The following AOPEP variants were observed in gnomAD, a reference collection of about 807,000 sequenced individuals.
AOPEP encodes the protein aminopeptidase O (putative), also known as aminopeptidase O.
Under a neutral mutation model 98.1 loss-of-function variants are expected in AOPEP, and 77 were observed. That is an observed-to-expected ratio of 0.78 (90% CI 0.65 to 0.95). The LOEUF (loss-of-function observed/expected upper bound fraction) is 0.95. Ranked by LOEUF, AOPEP falls within the 40% of genes least tolerant of loss-of-function variation. The pLI, the probability that AOPEP is intolerant of heterozygous loss-of-function variation, is 0.00. For missense variants in AOPEP, 1,024 were observed against 1,024.7 expected (o/e 1.00, Z 0.01); for synonymous variants, 346 against 365.3 (o/e 0.95, Z 0.60).
At chr9:94,811,879 C>T (rs901620079) in intron 5 of AOPEP, among the ~76,000 whole-genome samples, 3 of 152,266 alleles carry the variant, frequency 2.0e-5, no homozygotes, top group East Asian at 1.9e-4. Flanking sequence ...TCTCCCGTAC[C>T]CTCAAAGGCC....
intron 10 of AOPEP, among the ~76,000 whole-genome samples, chr9:94,969,698 C>T (rs1431448622): frequency 5.3e-5 from 8 of 152,196 alleles, no homozygotes; most frequent in Admixed American, 2.6e-4. Flanking sequence ...TGGGCCACTG[C>T]GCCTGGCCAA....
chr9:95,117,647 G>A, the AOPEP span, among the ~76,000 whole-genome samples: 28 of 151,490 alleles, frequency 1.8e-4, 1 homozygote, highest in South Asian at 5.8e-3. Flanking sequence ...TACTTCACAT[G>A]AACCCAATTA....
chr9:94,958,889 A>G (rs1564447451), intron 9 of AOPEP, among the ~76,000 whole-genome samples: 2 of 152,022 alleles, frequency 1.3e-5, no homozygotes, highest in Non-Finnish European at 2.9e-5. Context: ...ATGAAGTCCA[A>G]TGTATCTATT....
At chr9:95,136,637 T>A in the AOPEP span, among the ~76,000 whole-genome samples, 46 of 152,166 alleles carry the variant, frequency 3.0e-4, no homozygotes, top group African/African-American at 1.0e-3. Flanking sequence ...CAGGTGCACG[T>A]CACCACATCT....
the AOPEP span, among the ~76,000 whole-genome samples, chr9:95,094,200 G>A: frequency 6.6e-6 from 1 of 152,246 alleles, no homozygotes; most frequent in South Asian, 2.1e-4. Flanking sequence ...TATCCACGGG[G>A]AAAGCCCTAG....
intron 16 of AOPEP, 117 bp from the exon 17 acceptor site, chr9:95,086,565 T>C: frequency 2.0e-6 from 2 of 997,058 alleles, no homozygotes; most frequent in Non-Finnish European, 1.2e-6. Context: ...GTCTTCTCCT[T>C]GTCCTGTGAT....
chr9:94,852,014 G>A (rs1002556763), intron 5 of AOPEP, among the ~76,000 whole-genome samples: 1 of 151,974 alleles, frequency 6.6e-6, no homozygotes, highest in African/African-American at 2.4e-5. Flanking sequence ...GACAGTAGAT[G>A]TCACTGGATC....
chr9:95,118,795 T>C, the AOPEP span, among the ~76,000 whole-genome samples: 1 of 152,238 alleles, frequency 6.6e-6, no homozygotes, highest in Non-Finnish European at 1.5e-5. Context: ...GAATATGCCA[T>C]AGTCTGTTTA....
chr9:94,833,801 G>T (rs2041214945), intron 5 of AOPEP, among the ~76,000 whole-genome samples: 1 of 152,172 alleles, frequency 6.6e-6, no homozygotes, highest in Non-Finnish European at 1.5e-5. Context: ...CATTTATTTT[G>T]TCTTCCTGTA....
chr9:95,124,865 T>A, the AOPEP span, among the ~76,000 whole-genome samples: 2 of 152,156 alleles, frequency 1.3e-5, no homozygotes, highest in African/African-American at 4.8e-5. Context: ...TCAGACATAA[T>A]AGTAGACAGA....
At chr9:94,977,786 C>T (rs1228273913) in intron 10 of AOPEP, among the ~76,000 whole-genome samples, 1 of 152,218 alleles carries the variant, frequency 6.6e-6, no homozygotes, top group East Asian at 1.9e-4. Flanking sequence ...TCCACTGAGT[C>T]TGGGACCCTG....
chr9:94,916,956 G>T (rs765138677), intron 5 of AOPEP, among the ~76,000 whole-genome samples: 4 of 152,174 alleles, frequency 2.6e-5, no homozygotes, highest in Non-Finnish European at 5.9e-5. Context: ...TCCAAATCTA[G>T]TTGAAAAACT....
chr9:95,038,468 C>T (rs1389474219), intron 13 of AOPEP, among the ~76,000 whole-genome samples: 2 of 152,166 alleles, frequency 1.3e-5, no homozygotes, highest in African/African-American at 4.8e-5. Flanking sequence ...CCATGTTTGC[C>T]ACAAGTCTCA....
intron 3 of AOPEP, among the ~76,000 whole-genome samples, chr9:94,786,758 A>G (rs1159412932): frequency 1.3e-5 from 2 of 152,246 alleles, no homozygotes; most frequent in Non-Finnish European, 2.9e-5. Flanking sequence ...TGGCTCCAGC[A>G]TTCAACCAGG....
chr9:95,094,054 C>T, the AOPEP span, among the ~76,000 whole-genome samples: 5 of 152,178 alleles, frequency 3.3e-5, no homozygotes, highest in East Asian at 1.9e-4. Context: ...TCTCTCTCCC[C>T]CACCCCTTTC....
At chr9:94,909,181 A>AGGT in intron 5 of AOPEP, among the ~76,000 whole-genome samples, 1 of 152,240 alleles carries the variant, frequency 6.6e-6, no homozygotes, top group African/African-American at 2.4e-5. Flanking sequence ...CGAAGGGGTG[A>AGGT]GGTGATGGCT....
chr9:94,804,783 A>G (rs920315508), intron 5 of AOPEP, among the ~76,000 whole-genome samples: 1 of 152,244 alleles, frequency 6.6e-6, no homozygotes, highest in Non-Finnish European at 1.5e-5. Flanking sequence ...TGTACGTGAA[A>G]CAAGTAATTA....
chr9:95,110,787 G>C, the AOPEP span: 4 of 1,118,846 alleles, frequency 3.6e-6, no homozygotes, highest in African/African-American at 4.8e-5. Context: ...ATCAATGCTT[G>C]CAAGGGAGGT....
intron 14 of AOPEP, among the ~76,000 whole-genome samples, chr9:95,068,389 C>T (rs1231955133): frequency 1.3e-5 from 2 of 152,136 alleles, no homozygotes; most frequent in African/African-American, 4.8e-5. Context: ...CCACTGTCGT[C>T]GTCATTCCTT....
Sources: gnomAD v4.1 joint callset for allele counts (sites outside exome capture counted in the v4.1 genomes callset) on GRCh38, gnomAD v4.1.1 for gene constraint, MANE v1.5 for transcripts, NCBI Gene and HGNC (gene_info 2026-07-23, HGNC 2026-07-21) for gene names.